Variants in NBEA observed in about 807,000 individuals in gnomAD.
NBEA encodes lysosomal-trafficking regulator 2.
NBEA carries 44 observed loss-of-function variants against 343.4 expected under a neutral mutation model. That is an observed-to-expected ratio of 0.13 (90% confidence interval 0.10 to 0.16). NBEA has a LOEUF of 0.16. Ranked by LOEUF, NBEA falls within the 10% of genes least tolerant of loss-of-function variation. The pLI is 1.00. For missense variants in NBEA, 2,555 were observed against 3,631.3 expected, an observed-to-expected ratio of 0.70 and a Z score of 7.62; for synonymous variants, 1,175 against 1,238.7, an observed-to-expected ratio of 0.95 and a Z score of 1.08.
chr13:35,257,597 A>G (rs1294698604), intron 34 of NBEA, among the ~76,000 whole-genome samples: 1 of 152,214 alleles, frequency 6.6e-6, no homozygotes, highest in Non-Finnish European at 1.5e-5. Context: ...ATGGTATGAC[A>G]TGAAGAAAAT....
intron 38 of NBEA, among the ~76,000 whole-genome samples, chr13:35,408,349 C>CA (rs1000597608): frequency 6.6e-6 from 1 of 152,120 alleles, no homozygotes; most frequent in African/African-American, 2.4e-5. Context: ...ATACCATACA[C>CA]AAAAATAAAC....
At chr13:34,976,822 C>T (rs1455563155) in intron 1 of NBEA, among the ~76,000 whole-genome samples, 1 of 151,412 alleles carries the variant, frequency 6.6e-6, no homozygotes, top group Non-Finnish European at 1.5e-5. Flanking sequence ...TTCTTTTGTT[C>T]ATTTTACCTC....
chr13:35,105,443 C>T (rs1011485317), intron 11 of NBEA, among the ~76,000 whole-genome samples: 1 of 151,960 alleles, frequency 6.6e-6, no homozygotes, highest in Non-Finnish European at 1.5e-5. Context: ...GCTGTACCAG[C>T]TACAGTGTTG....
At chr13:34,954,857 A>T (rs540638183) in intron 1 of NBEA, among the ~76,000 whole-genome samples, 1 of 152,186 alleles carries the variant, frequency 6.6e-6, no homozygotes, top group African/African-American at 2.4e-5. Context: ...GCAACCATCT[A>T]TTTTTTAAAA....
At position 35,070,976 on chromosome 13, in the gene NBEA, A is replaced by T. The variant is rs546372918; in HGVS notation, c.1571+124A>T. The T allele has an allele frequency of 7.7e-5, 85 of 1,098,734 alleles. 2 individuals are homozygous for T. Among genetic ancestry groups the T allele is most frequent in the South Asian group, 3.8e-4 (11 of 28,676 alleles). 68.1% of individuals were successfully genotyped at this position (1,098,734 alleles called of 1,614,324 possible). A position where few individuals can be genotyped will look rare whatever the true frequency, so the allele number is the denominator to read the frequency against. Reference sequence around the variant, plus strand: ...TTCTGCCCTTAAAGTGTAATAAAAAATTTTTTAGAACTAATGGAGATAGAT... The same window carrying T: ...TTCTGCCCTTAAAGTGTAATAAAAATTTTTTTAGAACTAATGGAGATAGAT... On this transcript the variant is annotated intron_variant, in intron 10 of 58. Coordinates refer to ENST00000379939, the MANE Select transcript of NBEA (RefSeq NM_001385012.1).
At chr13:35,061,297 T>C (rs2063459424) in intron 8 of NBEA, among the ~76,000 whole-genome samples, 1 of 151,702 alleles carries the variant, frequency 6.6e-6, no homozygotes, top group South Asian at 2.1e-4. Context: ...ATTAACTAAA[T>C]CATTCAGTTT....
chr13:35,296,131 C>T (rs1415361960), intron 35 of NBEA, among the ~76,000 whole-genome samples: 2 of 152,058 alleles, frequency 1.3e-5, no homozygotes, highest in African/African-American at 4.8e-5. Context: ...GTGGCTCACG[C>T]CTGTAATCCC....
rs1446295750 is a variant in NBEA, at chr13:35,434,151, AAAT to A, written c.6304+1762_6304+1764del. On this transcript the variant is annotated intron_variant, in intron 39 of 58. Transcript: ENST00000379939. ...GAATACTTTGTGTGTTTAATTTGTA[AAAT>A]AATTTCTAATAAACCAGTGTCAAAG... Among the ~76,000 whole-genome samples the A allele has an allele frequency of 5.3e-5, 8 of 152,246 alleles. No individual in the cohort carries two copies. In the East Asian group the frequency reaches 1.5e-3, roughly 29 times the overall value.
Position 35,614,450 on chromosome 13 carries a change from T to C in NBEA, c.7449+7872T>C, listed in dbSNP as rs529420374. Among the ~76,000 whole-genome samples, 53 of 152,346 alleles carry C rather than the reference T, an allele frequency of 3.5e-4. No individual in the cohort carries two copies. In the South Asian group the frequency reaches 7.9e-3, roughly 23 times the overall value. The stretch of plus-strand genomic sequence containing the variant: ...CTTTAATAGCCCTCAGCCATACCAA[T>C]GAAAATTGGTTGTTTACAATCTCTT... On this transcript the variant is annotated intron_variant, in intron 48 of 58. Transcript: ENST00000379939.
intron 49 of NBEA, among the ~76,000 whole-genome samples, chr13:35,634,236 G>C (rs780680045): frequency 6.6e-6 from 1 of 152,034 alleles, no homozygotes; most frequent in African/African-American, 2.4e-5. Context: ...CCAGCTACTC[G>C]GGAGGCTGAG....
At chr13:35,534,364 C>T (rs1220676069) in intron 41 of NBEA, among the ~76,000 whole-genome samples, 1 of 152,174 alleles carries the variant, frequency 6.6e-6, no homozygotes, top group Non-Finnish European at 1.5e-5. Context: ...CCTCTACTTC[C>T]TACTGGCTTC....
At chr13:35,474,693 C>G (rs1210405981) in intron 41 of NBEA, 5 of 187,818 alleles carry the variant, frequency 2.7e-5, no homozygotes, top group Non-Finnish European at 4.4e-5. Context: ...TACTCACAGA[C>G]AGATGCACCT....
intron 45 of NBEA, among the ~76,000 whole-genome samples, chr13:35,580,330 T>G (rs1455452858): frequency 6.6e-6 from 1 of 152,104 alleles, no homozygotes; most frequent in East Asian, 1.9e-4. Context: ...AGGACACTAT[T>G]TATTGATGTA....
Position 35,159,404 on chromosome 13 carries a change from C to T in NBEA, c.3233C>T (p.Pro1078Leu), listed in dbSNP as rs775803214. The stretch of plus-strand genomic sequence containing the variant: ...AAGCTCGATGATATGGATTTATCAC[C>T]GGAGACTTTAGTAGGTGGAGAGAAT... ...EVKLDDMDLSPETLVGGENGA... is the reference protein window; with the variant it reads ...EVKLDDMDLSLETLVGGENGA... The change falls in exon 22 of 59, where the codon CCG (proline) becomes CTG (leucine). Residue 1078 changes from proline to leucine, a missense_variant. Physicochemically the swap from Pro to Leu is moderately conservative, Grantham distance 98. Coordinates refer to ENST00000379939, the MANE Select transcript of NBEA (RefSeq NM_001385012.1). 2.8e-5 allele frequency: 45 copies of T among 1,613,068 alleles called. No homozygotes were observed. Among genetic ancestry groups the T allele is most frequent in the South Asian group, 5.5e-5 (5 of 91,048 alleles).
At chr13:35,392,624 A>T (rs1195548956) in intron 38 of NBEA, among the ~76,000 whole-genome samples, 1 of 152,226 alleles carries the variant, frequency 6.6e-6, no homozygotes, top group South Asian at 2.1e-4. Context: ...CACCATACTG[A>T]TCTTCTAACA....
At chr13:35,590,847 C>T (rs531461035) in intron 46 of NBEA, among the ~76,000 whole-genome samples, 5 of 152,148 alleles carry the variant, frequency 3.3e-5, no homozygotes, top group East Asian at 1.9e-4. Context: ...AAAGAAAACC[C>T]GTATCTTACT....
chr13:35,294,033 G>A (rs1204327375), intron 35 of NBEA, among the ~76,000 whole-genome samples: 4 of 152,002 alleles, frequency 2.6e-5, no homozygotes, highest in African/African-American at 4.8e-5. Flanking sequence ...AGATGTATAA[G>A]TAATATAAAG....
chr13:35,000,317 T>G (rs2061083752), intron 1 of NBEA, among the ~76,000 whole-genome samples: 2 of 151,986 alleles, frequency 1.3e-5, no homozygotes, highest in Middle Eastern at 3.4e-3. Context: ...GTTGAAAAAT[T>G]TACATGGGAA....
intron 45 of NBEA, among the ~76,000 whole-genome samples, chr13:35,580,910 G>A (rs1351012206): frequency 6.6e-6 from 1 of 152,060 alleles, no homozygotes; most frequent in African/African-American, 2.4e-5. Context: ...AAAAATATAA[G>A]TATTTACTTT....
Sources: allele counts gnomAD v4.1 joint callset (sites outside exome capture counted in the v4.1 genomes callset), GRCh38; gene constraint gnomAD v4.1.1; transcripts MANE v1.5; gene names NCBI Gene and HGNC (gene_info 2026-07-23, HGNC 2026-07-21).